The following TIAM1 variants were observed in gnomAD, a reference collection of about 807,000 sequenced individuals.
TIAM1 encodes rho guanine nucleotide exchange factor TIAM1.
TIAM1 carries 65 observed loss-of-function variants against 163.5 expected under a neutral mutation model. That is an observed-to-expected ratio of 0.40 (90% CI 0.33 to 0.49). TIAM1 has a LOEUF of 0.49. TIAM1 is among the 20% of genes least tolerant of loss of function. TIAM1 has a pLI of 0.77. For synonymous variants in TIAM1, 833 were observed against 810.1 expected (o/e 1.03, Z -0.48); for missense variants, 1,789 against 2,044.7 (o/e 0.87, Z 2.41).
intron 1 of TIAM1, among the ~76,000 whole-genome samples, chr21:31,484,287 G>A (rs1031505691): frequency 1.3e-5 from 2 of 152,198 alleles, no homozygotes; most frequent in Middle Eastern, 3.2e-3. Context: ...GTCACTTTGC[G>A]TGTCCCCCAC....
chr21:31,406,723 T>G (rs1182682466), intron 2 of TIAM1, among the ~76,000 whole-genome samples: 1 of 152,120 alleles, frequency 6.6e-6, no homozygotes, highest in East Asian at 1.9e-4. Flanking sequence ...TAGGTAGAAC[T>G]TACGAGTCAC....
chr21:31,376,534 A>G (rs1415539024), intron 2 of TIAM1, among the ~76,000 whole-genome samples: 5 of 152,136 alleles, frequency 3.3e-5, no homozygotes, highest in African/African-American at 7.2e-5. Flanking sequence ...CCCTAATTGC[A>G]TTTTGCTTAG....
At chr21:31,411,578 C>T (rs1360568482) in intron 2 of TIAM1, among the ~76,000 whole-genome samples, 1 of 150,536 alleles carries the variant, frequency 6.6e-6, no homozygotes, top group African/African-American at 2.5e-5. Flanking sequence ...CAGGTTCAAG[C>T]AATTCTCCTG....
At chr21:31,146,841 G>T in intron 20 of TIAM1, 54 bp downstream of exon 20, 1 of 1,456,916 alleles carries the variant, frequency 6.9e-7, no homozygotes, top group Non-Finnish European at 9.6e-7. Context: ...ACCACTGTCA[G>T]CCACACAACT....
At chr21:31,440,714 C>G (rs1427131152) in intron 2 of TIAM1, among the ~76,000 whole-genome samples, 1 of 152,114 alleles carries the variant, frequency 6.6e-6, no homozygotes, top group Non-Finnish European at 1.5e-5. Flanking sequence ...AACCCCGTCT[C>G]TACTAAAAAT....
At chr21:31,499,675 C>T (rs974437453) in intron 1 of TIAM1, among the ~76,000 whole-genome samples, 1 of 151,722 alleles carries the variant, frequency 6.6e-6, no homozygotes, top group Admixed American at 6.6e-5. Flanking sequence ...CATGGTGAAA[C>T]CCCATCTCTA....
chr21:31,351,925 G>A lies in TIAM1; in HGVS notation c.-368-12503C>T, dbSNP rs1019344974. Among the ~76,000 whole-genome samples the A allele has an allele frequency of 1.6e-4, 25 of 152,072 alleles. 1 individual carries two copies. The highest frequency in any genetic ancestry group is 5.9e-4 in the Admixed American group (9 of 15,268). Reference sequence around the variant, plus strand: ...TCTACTAAAAACACAAAAATTAGCCGGGTGTGGTGGTGTGTGCCTGTACTC... The same window carrying A: ...TCTACTAAAAACACAAAAATTAGCCAGGTGTGGTGGTGTGTGCCTGTACTC... On this transcript the variant is annotated intron_variant, in intron 2 of 28. Transcript: ENST00000286827.
intron 1 of TIAM1, among the ~76,000 whole-genome samples, chr21:31,481,366 T>C (rs1258888672): frequency 6.6e-6 from 1 of 152,062 alleles, no homozygotes; most frequent in African/African-American, 2.4e-5. Context: ...TGTGTGGGGT[T>C]TTTCCTCACA....
chr21:31,526,553 G>A (rs190120508), intron 1 of TIAM1, among the ~76,000 whole-genome samples: 80 of 152,164 alleles, frequency 5.3e-4, no homozygotes, highest in African/African-American at 1.6e-3. Context: ...TTTCTAAGAC[G>A]ATATGACAAT....
At chr21:31,153,839 T>C (rs1190287315) in intron 17 of TIAM1, among the ~76,000 whole-genome samples, 2 of 151,706 alleles carry the variant, frequency 1.3e-5, no homozygotes, top group Non-Finnish European at 2.9e-5. Flanking sequence ...GGTGGGAGGA[T>C]CGCTTGAGCC....
At chr21:31,237,215 A>G (rs1302636041) in intron 6 of TIAM1, among the ~76,000 whole-genome samples, 1 of 152,198 alleles carries the variant, frequency 6.6e-6, no homozygotes, top group Non-Finnish European at 1.5e-5. Flanking sequence ...CTGGGTCAAG[A>G]TGCCAAATCC....
At chr21:31,219,791 C>T (rs1240657541) in intron 8 of TIAM1, among the ~76,000 whole-genome samples, 1 of 152,012 alleles carries the variant, frequency 6.6e-6, no homozygotes, top group East Asian at 1.9e-4. Context: ...ATGTGGTATC[C>T]AAGACACTGG....
At chr21:31,398,192 T>G (rs1035968943) in intron 2 of TIAM1, among the ~76,000 whole-genome samples, 1 of 151,384 alleles carries the variant, frequency 6.6e-6, no homozygotes, top group Non-Finnish European at 1.5e-5. Context: ...CTTTGTTCTT[T>G]AGAACCAGAG....
intron 2 of TIAM1, chr21:31,453,084 G>C: frequency 2.7e-6 from 1 of 369,244 alleles, no homozygotes; most frequent in Admixed American, 3.3e-5. Context: ...TCTTCTGTTT[G>C]GAGAGGATAA....
chr21:31,532,845 G>A (rs751538495), intron 1 of TIAM1, among the ~76,000 whole-genome samples: 66 of 152,290 alleles, frequency 4.3e-4, no homozygotes, highest in Non-Finnish European at 7.4e-4. Context: ...TGCTCAGGAC[G>A]GGGAGGTAAA....
intron 1 of TIAM1, among the ~76,000 whole-genome samples, chr21:31,465,792 A>C (rs370632468): frequency 2.6e-5 from 4 of 151,758 alleles, no homozygotes; most frequent in Admixed American, 6.6e-5. Flanking sequence ...GGATGGTCTC[A>C]ATCTCCTGAC....
At chr21:31,168,625 C>T (rs775654780) in intron 15 of TIAM1, among the ~76,000 whole-genome samples, 9 of 152,152 alleles carry the variant, frequency 5.9e-5, no homozygotes, top group Non-Finnish European at 1.3e-4. Flanking sequence ...TGGTCTCGAT[C>T]TCCTAACCTC....
chr21:31,393,959 G>A (rs749222707), intron 2 of TIAM1, among the ~76,000 whole-genome samples: 5 of 151,752 alleles, frequency 3.3e-5, no homozygotes, highest in South Asian at 2.1e-4. Context: ...AATAAAGCAC[G>A]TTTTTTCATA....
chr21:31,320,968 G>C (rs1434003823), intron 2 of TIAM1, among the ~76,000 whole-genome samples: 2 of 151,930 alleles, frequency 1.3e-5, no homozygotes, highest in African/African-American at 4.8e-5. Context: ...CTCCAGCCTG[G>C]GTGACAGAGT....
Sources: allele counts gnomAD v4.1 joint callset (sites outside exome capture counted in the v4.1 genomes callset), GRCh38; gene constraint gnomAD v4.1.1; transcripts MANE v1.5; gene names NCBI Gene and HGNC (gene_info 2026-07-23, HGNC 2026-07-21).